Variants in ARMC8 observed in about 807,000 individuals in gnomAD.
The protein encoded by ARMC8 is armadillo repeat containing 8.
A neutral mutation model predicts 99.3 loss-of-function variants in ARMC8; 20 were observed. The observed-to-expected ratio is 0.20, with a 90% CI of 0.14 to 0.29. The LOEUF is 0.29. Ranked by LOEUF, ARMC8 falls within the 10% of genes least tolerant of loss-of-function variation. The pLI is 1.00. For missense variants in ARMC8, 569 were observed against 809.5 expected (o/e 0.70, Z 3.60); for synonymous variants, 263 against 278.3 (o/e 0.95, Z 0.55).
chr3:138,194,364 C>T (rs1349166165), intron 1 of ARMC8, among the ~76,000 whole-genome samples: 18 of 82,520 alleles, frequency 2.2e-4, no homozygotes, highest in South Asian at 1.3e-3. Context: ...TTTTTTGAGA[C>T]GGAGTCTCTG....
chr3:138,289,607 C>G (rs1440965189), intron 20 of ARMC8, among the ~76,000 whole-genome samples: 2 of 152,156 alleles, frequency 1.3e-5, no homozygotes, highest in African/African-American at 4.8e-5. Context: ...AGGTTCTTTA[C>G]TTTGGCTGCA....
chr3:138,295,415 C>T (rs2051390413), intron 21 of ARMC8, among the ~76,000 whole-genome samples: 1 of 152,220 alleles, frequency 6.6e-6, no homozygotes, highest in Admixed American at 6.5e-5. Context: ...CACCTCAACA[C>T]CATTTCCTCG....
intron 6 of ARMC8, among the ~76,000 whole-genome samples, chr3:138,229,638 T>C (rs75609080): frequency 1.3e-5 from 2 of 152,148 alleles, no homozygotes; most frequent in African/African-American, 4.8e-5. Context: ...TTAAGTGATC[T>C]CATATAAGGA....
At chr3:138,188,382 T>G (rs555787537) in intron 1 of ARMC8, 114 of 1,480,666 alleles carry the variant, frequency 7.7e-5, no homozygotes, top group Admixed American at 4.8e-4. Flanking sequence ...AAACCTGTTT[T>G]TTTTTTTTTT....
chr3:138,205,717 C>G, intron 1 of ARMC8, among the ~76,000 whole-genome samples: 1 of 152,110 alleles, frequency 6.6e-6, no homozygotes, highest in East Asian at 1.9e-4. Flanking sequence ...GTGGGAGGAT[C>G]GCTTGAGGTC....
chr3:138,231,151 C>G (rs969043404), intron 6 of ARMC8, among the ~76,000 whole-genome samples: 2 of 152,146 alleles, frequency 1.3e-5, no homozygotes, highest in African/African-American at 4.8e-5. Flanking sequence ...AATCCAGTGA[C>G]GTTAGTAAAA....
intron 12 of ARMC8, among the ~76,000 whole-genome samples, chr3:138,247,350 T>TAACTGAGTCAATAAGTAGAGA (rs2046929579): frequency 6.6e-6 from 1 of 152,154 alleles, no homozygotes; most frequent in Non-Finnish European, 1.5e-5. Flanking sequence ...GAATTTCAGT[T>TAACTGAGTCAATAAGTAGAGA]AACTGAGTCA....
In ARMC8 at chr3:138,187,765, C is replaced by G. The variant is rs1056507729; in HGVS notation, c.45+166C>G. On this transcript the variant is annotated intron_variant, in intron 1 of 21. Coordinates refer to ENST00000469044, the MANE Select transcript of ARMC8 (RefSeq NM_001363941.2). ...AGGGTGGAGAGGCGGGATAGACGGGCAGAGGGGACCGCGGCCGAGCCAAAG... is the reference window on the plus strand; with the variant it reads ...AGGGTGGAGAGGCGGGATAGACGGGGAGAGGGGACCGCGGCCGAGCCAAAG... The G allele has an allele frequency of 1.1e-5, 8 of 712,650 alleles. No homozygotes were observed. In the African/African-American group the frequency reaches 1.5e-4, roughly 13 times the overall value. The allele number at this position is 712,650 out of a possible 1,614,324, so 44.1% of individuals were successfully genotyped here.
chr3:138,235,262 G>A, intron 7 of ARMC8, 148 bp downstream of exon 7: 7 of 507,234 alleles, frequency 1.4e-5, no homozygotes, highest in Admixed American at 3.7e-5. Flanking sequence ...TTTAGCTATA[G>A]AATGCTCTTT....
At chr3:138,273,546 C>A (rs1243556985) in intron 17 of ARMC8, among the ~76,000 whole-genome samples, 1 of 152,156 alleles carries the variant, frequency 6.6e-6, no homozygotes, top group African/African-American at 2.4e-5. Flanking sequence ...ACGGGATTGA[C>A]CTCTGAAGAT....
chr3:138,196,548 C>G (rs2043746645), intron 1 of ARMC8, among the ~76,000 whole-genome samples: 1 of 152,136 alleles, frequency 6.6e-6, no homozygotes, highest in African/African-American at 2.4e-5. Context: ...GAATTAACTT[C>G]TTCACCTGTC....
intron 12 of ARMC8, among the ~76,000 whole-genome samples, chr3:138,256,573 G>T (rs1015851367): frequency 8.5e-4 from 129 of 152,002 alleles, no homozygotes; most frequent in Non-Finnish European, 1.5e-3. Context: ...ACAGCGCCTG[G>T]CTAATTTTTT....
chr3:138,279,839 C>A (rs1046452921), intron 18 of ARMC8, among the ~76,000 whole-genome samples: 2 of 152,052 alleles, frequency 1.3e-5, no homozygotes, highest in African/African-American at 4.8e-5. Flanking sequence ...TTCATAATTT[C>A]TTATTCCTTT....
intron 1 of ARMC8, among the ~76,000 whole-genome samples, chr3:138,198,770 C>G (rs1056635454): frequency 2.6e-5 from 4 of 151,978 alleles, no homozygotes; most frequent in Non-Finnish European, 5.9e-5. Context: ...CTTCGGCCTC[C>G]CAAAGTGCTG....
intron 15 of ARMC8, among the ~76,000 whole-genome samples, chr3:138,268,971 T>A (rs1220466066): frequency 6.6e-6 from 1 of 152,192 alleles, no homozygotes; most frequent in East Asian, 1.9e-4. Flanking sequence ...TATCCTTGTT[T>A]TTAGGAAATA....
At chr3:138,216,202 T>C (rs1032423107) in intron 2 of ARMC8, among the ~76,000 whole-genome samples, 2 of 152,094 alleles carry the variant, frequency 1.3e-5, no homozygotes, top group Non-Finnish European at 2.9e-5. Context: ...AAACTACATA[T>C]ATTCCAAAAA....
chr3:138,242,292 G>A (rs1031798673), intron 11 of ARMC8, among the ~76,000 whole-genome samples: 2 of 152,118 alleles, frequency 1.3e-5, no homozygotes, highest in African/African-American at 4.8e-5. Context: ...CTTATTCTTG[G>A]TCATGGAATC....
intron 12 of ARMC8, chr3:138,246,684 T>C: frequency 1.0e-6 from 1 of 984,196 alleles, no homozygotes; most frequent in Non-Finnish European, 1.2e-6. Flanking sequence ...TTTGTACTTC[T>C]TTGTACTTTT....
chr3:138,223,582 G>C (rs754550157), intron 4 of ARMC8, 51 bp downstream of exon 4: 1 of 1,613,934 alleles, frequency 6.2e-7, no homozygotes, highest in Admixed American at 1.7e-5. Flanking sequence ...TCAGTTTGCA[G>C]TGCTTTAAAT....
Sources: gnomAD v4.1 joint callset for allele counts (sites outside exome capture counted in the v4.1 genomes callset) on GRCh38, gnomAD v4.1.1 for gene constraint, MANE v1.5 for transcripts, NCBI Gene and HGNC (gene_info 2026-07-23, HGNC 2026-07-21) for gene names.